Variants in NPY1R observed in about 807,000 individuals in gnomAD.
NPY1R encodes the protein neuropeptide Y receptor type 1.
In NPY1R, 10 loss-of-function variants were observed where a neutral mutation model predicts 24.1. The ratio of observed to expected loss-of-function variants is 0.42; its 90% CI spans 0.26 to 0.71. The LOEUF is 0.71. Ranked by LOEUF, NPY1R falls within the 30% of genes least tolerant of loss-of-function variation. The probability of loss-of-function intolerance (pLI) is 0.28; values close to 1 mark genes in which losing one functional copy is unlikely to be tolerated. For synonymous variants in NPY1R, 168 were observed against 165.9 expected (o/e 1.01, Z -0.10); for missense variants, 350 against 458.0 (o/e 0.76, Z 2.15).
Position 163,326,625 on chromosome 4 carries a change from G to A in NPY1R, c.-71C>T. The A allele has an allele frequency of 1.1e-6, 1 of 944,494 alleles. No individual in the cohort carries two copies. Among genetic ancestry groups the A allele is most frequent in the Non-Finnish European group, 1.6e-6 (1 of 620,364 alleles). 58.5% of individuals were successfully genotyped at this position (944,494 alleles called of 1,614,324 possible). On this transcript the variant is annotated 5_prime_UTR_variant, in exon 2 of 3. Coordinates refer to ENST00000296533, the MANE Select transcript of NPY1R (RefSeq NM_000909.6). The stretch of plus-strand genomic sequence containing the variant: ...TATGTTTCTTCAAAGCAGGTCAACT[G>A]TTCAGCTTATTCTTATTCCCCATAT...
chr4:163,325,608 T>C lies in NPY1R; in HGVS notation c.850A>G (p.Thr284Ala), dbSNP rs1734586619. 7 of 1,613,168 alleles carry C rather than the reference T, an allele frequency of 4.3e-6. No individual in the cohort carries two copies. Among genetic ancestry groups the C allele is most frequent in the Non-Finnish European group, 5.9e-6 (7 of 1,179,952 alleles). ...ATCTGATGATTCCAATCAAACACAG[T>C]GTTAAAGATGGTAAGAGGGAGCCAG... ...VCWLPLTIFN[T>A]VFDWNHQIIA... Residue 284 changes from threonine (T) to alanine (A), a missense_variant, in exon 3 of 3, where the codon ACT (threonine) becomes GCT (alanine). Physicochemically the swap from Thr to Ala is moderately conservative, Grantham distance 58. Coordinates refer to ENST00000296533, the MANE Select transcript of NPY1R (RefSeq NM_000909.6).
At chr4:163,339,242 A>C (rs1449738843) in intron 1 of NPY1R, among the ~76,000 whole-genome samples, 1 of 152,042 alleles carries the variant, frequency 6.6e-6, no homozygotes, top group Non-Finnish European at 1.5e-5. Flanking sequence ...CTATTACAAC[A>C]CTTCTCGATT....
intron 1 of NPY1R, among the ~76,000 whole-genome samples, chr4:163,340,245 C>A: frequency 6.6e-6 from 1 of 151,492 alleles, no homozygotes; most frequent in East Asian, 1.9e-4. Context: ...AATTGTATGG[C>A]CTATATATGG....
In NPY1R at chr4:163,326,228, A is replaced by G. The variant is rs1268958036; in HGVS notation, c.327T>C (p.Gly109=). ...VYTLMDHWVF[G]EAMCKLNPFV... is the part of the protein sequence containing the mutation. ...AAGGATTCAACTTACACATCGCCTC[A>G]CCAAAGACCCAGTGGTCCATTAATG... is the stretch of plus-strand genomic sequence containing the variant. The change falls in exon 2 of 3, where the codon GGT becomes GGC. Residue 109 remains glycine, a synonymous_variant. Coordinates refer to ENST00000296533, the MANE Select transcript of NPY1R (RefSeq NM_000909.6). 2 of 1,614,186 alleles carry G rather than the reference A, an allele frequency of 1.2e-6. No individual in the cohort carries two copies. The highest frequency in any genetic ancestry group is 2.2e-5 in the South Asian group (2 of 91,090).
chr4:163,325,188 GT>G lies in NPY1R; in HGVS notation c.*114del. The stretch of plus-strand genomic sequence containing the variant: ...TAAAAAGCAAGACAAGAAAATCTTA[GT>G]CATTTTCAAATGATTTCAACCCCAT... On this transcript the variant is annotated 3_prime_UTR_variant, in exon 3 of 3. Transcript: ENST00000296533. 1.4e-6 allele frequency: 1 copy of G among 737,126 alleles called. No homozygotes were observed. The highest frequency in any genetic ancestry group is 2.2e-6 in the Non-Finnish European group (1 of 448,434). The allele number at this position is 737,126 out of a possible 1,614,324, so 45.7% of individuals were successfully genotyped here.
At chr4:163,331,820 G>C (rs1463956935) in intron 1 of NPY1R, among the ~76,000 whole-genome samples, 1 of 152,212 alleles carries the variant, frequency 6.6e-6, no homozygotes, top group South Asian at 2.1e-4. Flanking sequence ...TAAAAGCTTC[G>C]GGTGTCTATC....
chr4:163,341,696 C>T (rs534810490), intron 1 of NPY1R, among the ~76,000 whole-genome samples: 21 of 152,204 alleles, frequency 1.4e-4, no homozygotes, highest in Non-Finnish European at 2.4e-4. Context: ...TGCATAAAAT[C>T]CAACTTAATT....
At position 163,325,889 on chromosome 4, in the gene NPY1R, A is replaced by G; in HGVS notation, c.666T>C (p.Gly222=). 1 of 1,614,028 alleles carries G rather than the reference A, an allele frequency of 6.2e-7. No homozygotes were observed. The highest frequency in any genetic ancestry group is 1.1e-5 in the South Asian group (1 of 91,048). ...TTLLLVLQYF[G]PLCFIFICYF... ...AGCAAATAAATATAAAACAAAGTGG[A>G]CCAAAATACTGCAGCACCAAGAGGA... Residue 222 remains glycine (G), a synonymous_variant, in exon 2 of 3, where the codon GGT becomes GGC. Coordinates refer to ENST00000296533, the MANE Select transcript of NPY1R (RefSeq NM_000909.6).
In NPY1R at chr4:163,326,516, T is replaced by C; in HGVS notation, c.39A>G (p.Ser13=). The change falls in exon 2 of 3, where the codon TCA becomes TCG. Residue 13 remains serine (S), a synonymous_variant. Transcript: ENST00000296533. ...TCTTCTCTGAGAAATTAGAGTGGAC[T>C]GAATGATTTTCAACCTGGGAAAATA... ...STLFSQVENH[S]VHSNFSEKNA... 1 of 1,606,266 alleles carries C rather than the reference T, an allele frequency of 6.2e-7. No individual in the cohort carries two copies. The highest frequency in any genetic ancestry group is 2.2e-5 in the East Asian group (1 of 44,848).
At chr4:163,335,119 C>T (rs1734814449), upstream of NPY1R, among the ~76,000 whole-genome samples, 1 of 152,098 alleles carries the variant, frequency 6.6e-6, no homozygotes, top group Non-Finnish European at 1.5e-5. Flanking sequence ...TTCTACTCTT[C>T]AGTGAATAAT....
chr4:163,342,981 GACACACAC>G (rs142715363), intron 1 of NPY1R, among the ~76,000 whole-genome samples: 64,408 of 138,832 alleles, frequency 0.46, 15,656 homozygotes, highest in Middle Eastern at 0.67. Flanking sequence ...CTCTCTCACA[GACACACAC>G]ACACACACAC....
At chr4:163,340,573 CAT>C (rs1231185327) in intron 1 of NPY1R, among the ~76,000 whole-genome samples, 2 of 151,990 alleles carry the variant, frequency 1.3e-5, no homozygotes, top group Non-Finnish European at 2.9e-5. Context: ...TTTTTCTACA[CAT>C]ATGTTTGTAA....
At chr4:163,334,686 C>T (rs1381970455), upstream of NPY1R, among the ~76,000 whole-genome samples, 1 of 151,762 alleles carries the variant, frequency 6.6e-6, no homozygotes, top group African/African-American at 2.4e-5. Flanking sequence ...ATAGTGAAAC[C>T]CCGTCTCTAC....
Position 163,325,290 on chromosome 4 carries a change from G to C in NPY1R, c.*13C>G. On this transcript the variant is annotated 3_prime_UTR_variant, in exon 3 of 3. Coordinates refer to ENST00000296533, the MANE Select transcript of NPY1R (RefSeq NM_000909.6). ...AAACAGATGTCATCCGGGACCATAGGCTATAAGTAGTTTCAGATTTTTTCA... is the reference window on the plus strand; with the variant it reads ...AAACAGATGTCATCCGGGACCATAGCCTATAAGTAGTTTCAGATTTTTTCA... 1 of 1,577,014 alleles carries C rather than the reference G, an allele frequency of 6.3e-7. No homozygotes were observed. The highest frequency in any genetic ancestry group is 1.7e-4 in the Middle Eastern group (1 of 5,940).
At chr4:163,330,696 A>G (rs550974290) in intron 1 of NPY1R, 1 of 152,384 alleles carries the variant, frequency 6.6e-6, no homozygotes, top group Admixed American at 6.5e-5. Flanking sequence ...CAGACATTAC[A>G]TACATCACCA....
At chr4:163,334,388 C>A (rs74788810), upstream of NPY1R, among the ~76,000 whole-genome samples, 248 of 152,328 alleles carry the variant, frequency 1.6e-3, 1 homozygote, top group Non-Finnish European at 2.0e-3. Flanking sequence ...GAGTTCTGAA[C>A]TATTATGGCC....
upstream of NPY1R, among the ~76,000 whole-genome samples, chr4:163,335,763 C>CT (rs1174381614): frequency 6.6e-6 from 1 of 151,936 alleles, no homozygotes; most frequent in Non-Finnish European, 1.5e-5. Flanking sequence ...TTCTTTGGAT[C>CT]TTTGACGCCC....
Position 163,324,476 on chromosome 4 carries a change from A to C in NPY1R, c.*827T>G, listed in dbSNP as rs2110775958. The C allele has an allele frequency of 6.6e-6, 1 of 152,298 alleles. No homozygotes were observed. Among genetic ancestry groups the C allele is most frequent in the East Asian group, 1.9e-4 (1 of 5,186 alleles). The allele number at this position is 152,298 out of a possible 1,614,324, so 9.4% of individuals were successfully genotyped here. Reference sequence around the variant, plus strand: ...GAACAGTCTGTAAAAAAAATGGAAAATCTCTTGACCATCAATTCAAATAAA... The same window carrying C: ...GAACAGTCTGTAAAAAAAATGGAAACTCTCTTGACCATCAATTCAAATAAA... On this transcript the variant is annotated 3_prime_UTR_variant, in exon 3 of 3. Coordinates refer to ENST00000296533, the MANE Select transcript of NPY1R (RefSeq NM_000909.6).
intron 1 of NPY1R, among the ~76,000 whole-genome samples, chr4:163,339,736 T>C (rs1734932095): frequency 1.3e-5 from 2 of 152,308 alleles, no homozygotes; most frequent in Admixed American, 6.5e-5. Context: ...ATAGTCTGCT[T>C]ACTAATACAC....
Sources: gnomAD v4.1 joint callset for allele counts (sites outside exome capture counted in the v4.1 genomes callset) on GRCh38, gnomAD v4.1.1 for gene constraint, MANE v1.5 for transcripts, NCBI Gene and HGNC (gene_info 2026-07-23, HGNC 2026-07-21) for gene names.